DPP10: variants seen among roughly 807,000 people sequenced by gnomAD.
DPP10 encodes dipeptidyl peptidase like 10, also known as inactive dipeptidyl peptidase 10.
Under a neutral mutation model 120.9 loss-of-function variants are expected in DPP10, and 33 were observed. The ratio of observed to expected loss-of-function variants is 0.27; its 90% confidence interval spans 0.21 to 0.37. The LOEUF (loss-of-function observed/expected upper bound fraction) is 0.37, where lower values mean the gene tolerates loss of function less well. Among genes scored for constraint, DPP10 ranks in the 10% least tolerant of loss-of-function variants. The pLI, the probability that DPP10 is intolerant of heterozygous loss-of-function variation, is 1.00. For missense variants in DPP10, 816 were observed against 942.8 expected (o/e 0.87, Z 1.76); for synonymous variants, 337 against 326.1 (o/e 1.03, Z -0.36).
intron 1 of DPP10, among the ~76,000 whole-genome samples, chr2:114,724,957 GATA>G (rs1701949925): frequency 6.6e-6 from 1 of 152,128 alleles, no homozygotes; most frequent in African/African-American, 2.4e-5. Flanking sequence ...TGCGCCCATA[GATA>G]ATATTTATTT....
chr2:114,486,620 G>T (rs900137478), intron 1 of DPP10, among the ~76,000 whole-genome samples: 1 of 152,016 alleles, frequency 6.6e-6, no homozygotes, highest in African/African-American at 2.4e-5. Context: ...CTAGCAACCA[G>T]AATTTAGTTT....
At position 114,663,588 on chromosome 2, in the gene DPP10, T is replaced by C. The variant is rs967121978; in HGVS notation, c.60+220750T>C. Among the ~76,000 whole-genome samples the C allele has an allele frequency of 6.0e-5, 9 of 148,860 alleles. No homozygotes were observed. The East Asian group carries it at 1.8e-3, about 29-fold the overall frequency. ...CATTATTCTTCTTTTGTATACATCA[T>C]ATACGTGTATGTACATATGTATATA... On this transcript the variant is annotated intron_variant, in intron 1 of 25. Coordinates refer to ENST00000410059, the MANE Select transcript of DPP10 (RefSeq NM_020868.6).
intron 1 of DPP10, among the ~76,000 whole-genome samples, chr2:114,875,978 T>A: frequency 6.6e-6 from 1 of 152,162 alleles, no homozygotes; most frequent in East Asian, 1.9e-4. Flanking sequence ...TTTGGATTTT[T>A]ATAGAGTGGA....
At chr2:115,470,597 A>G (rs375273513) in intron 3 of DPP10, among the ~76,000 whole-genome samples, 1 of 152,172 alleles carries the variant, frequency 6.6e-6, no homozygotes, top group East Asian at 1.9e-4. Flanking sequence ...GAATGTTTGT[A>G]TGGATTTGGG....
At chr2:115,405,561 C>T (rs1320374517) in intron 3 of DPP10, among the ~76,000 whole-genome samples, 2 of 152,116 alleles carry the variant, frequency 1.3e-5, no homozygotes, top group Non-Finnish European at 2.9e-5. Context: ...AGAGAAGACT[C>T]TCTGTGCTGA....
At chr2:115,337,521 T>G (rs952085399) in intron 2 of DPP10, among the ~76,000 whole-genome samples, 1 of 151,922 alleles carries the variant, frequency 6.6e-6, no homozygotes, top group African/African-American at 2.4e-5. Context: ...GTGGTCTTTG[T>G]CAACATTGCC....
intron 3 of DPP10, among the ~76,000 whole-genome samples, chr2:115,388,404 AT>A (rs2067100564): frequency 6.6e-6 from 1 of 152,188 alleles, no homozygotes; most frequent in Admixed American, 6.5e-5. Context: ...GCTGCAGAAG[AT>A]TGTCAGAGAT....
At chr2:115,687,489 A>G (rs867945869) in intron 5 of DPP10, among the ~76,000 whole-genome samples, 9 of 136,744 alleles carry the variant, frequency 6.6e-5, no homozygotes, top group African/African-American at 2.2e-4. Flanking sequence ...ATGGATGGAT[A>G]GATAGATAGA....
chr2:115,288,724 C>T (rs2060509711), intron 1 of DPP10, among the ~76,000 whole-genome samples: 1 of 151,454 alleles, frequency 6.6e-6, no homozygotes, highest in East Asian at 2.0e-4. Flanking sequence ...TGCCTCAAAA[C>T]AAAAAGAAAA....
At chr2:114,880,736 C>T (rs566845373) in intron 1 of DPP10, among the ~76,000 whole-genome samples, 2 of 151,784 alleles carry the variant, frequency 1.3e-5, no homozygotes, top group South Asian at 4.1e-4. Context: ...CAAACGGATT[C>T]AAAAAATTAT....
At chr2:114,858,298 C>T (rs1689531429) in intron 1 of DPP10, among the ~76,000 whole-genome samples, 2 of 152,258 alleles carry the variant, frequency 1.3e-5, no homozygotes, top group Middle Eastern at 3.4e-3. Context: ...CGCCGCTTGG[C>T]GTTTTAAACC....
chr2:115,011,411 C>T (rs1702254412), intron 1 of DPP10, among the ~76,000 whole-genome samples: 1 of 152,126 alleles, frequency 6.6e-6, no homozygotes, highest in South Asian at 2.1e-4. Context: ...GTCTGTTTCT[C>T]ATTGCAATTC....
intron 1 of DPP10, among the ~76,000 whole-genome samples, chr2:114,953,017 T>C (rs1044453900): frequency 1.3e-5 from 2 of 152,118 alleles, no homozygotes; most frequent in South Asian, 4.1e-4. Flanking sequence ...TGGATGTTGT[T>C]AATTTGTCCT....
At chr2:114,487,404 A>G (rs912994064) in intron 1 of DPP10, among the ~76,000 whole-genome samples, 1 of 152,182 alleles carries the variant, frequency 6.6e-6, no homozygotes, top group Non-Finnish European at 1.5e-5. Flanking sequence ...AAATCTGGTG[A>G]CTTCAATTTT....
At chr2:114,895,999 C>T (rs1032276976) in intron 1 of DPP10, among the ~76,000 whole-genome samples, 3 of 152,070 alleles carry the variant, frequency 2.0e-5, no homozygotes, top group Admixed American at 2.0e-4. Flanking sequence ...GAATCCTTTC[C>T]CCATTGCTTT....
chr2:115,057,277 A>C (rs758045493), intron 1 of DPP10, among the ~76,000 whole-genome samples: 4 of 152,182 alleles, frequency 2.6e-5, no homozygotes, highest in South Asian at 2.1e-4. Flanking sequence ...CTGATGCCTG[A>C]GGTAGAAATA....
chr2:115,801,874 G>A (rs577232260), intron 19 of DPP10, among the ~76,000 whole-genome samples: 19 of 152,306 alleles, frequency 1.2e-4, no homozygotes, highest in African/African-American at 3.8e-4. Flanking sequence ...TGTTCTTCAA[G>A]GATATTGGTC....
At chr2:115,170,321 A>T (rs1291519686) in intron 1 of DPP10, among the ~76,000 whole-genome samples, 1 of 152,332 alleles carries the variant, frequency 6.6e-6, no homozygotes, top group East Asian at 1.9e-4. Flanking sequence ...CTTTAAATCA[A>T]TGTGTCACAA....
intron 1 of DPP10, among the ~76,000 whole-genome samples, chr2:114,609,955 A>T (rs1323583476): frequency 6.6e-6 from 1 of 152,202 alleles, no homozygotes; most frequent in Non-Finnish European, 1.5e-5. Context: ...CACGCACAAT[A>T]GAGATCTGAG....
Sources: gnomAD v4.1 joint callset for allele counts (sites outside exome capture counted in the v4.1 genomes callset) on GRCh38, gnomAD v4.1.1 for gene constraint, MANE v1.5 for transcripts, NCBI Gene and HGNC (gene_info 2026-07-23, HGNC 2026-07-21) for gene names.